The following PCDHGA6 variants were observed in gnomAD, a reference collection of about 807,000 sequenced individuals.
PCDHGA6 encodes the protein protocadherin gamma subfamily A, 6, also known as protocadherin gamma-A6.
A neutral mutation model predicts 60.6 loss-of-function variants in PCDHGA6; 41 were observed. The ratio of observed to expected loss-of-function variants is 0.68; its 90% confidence interval spans 0.53 to 0.88. The LOEUF (loss-of-function observed/expected upper bound fraction) is 0.88, where lower values mean the gene tolerates loss of function less well. Ranked by LOEUF, PCDHGA6 falls within the 40% of genes least tolerant of loss-of-function variation. PCDHGA6 has a pLI of 0.00. For synonymous variants in PCDHGA6, 594 were observed against 524.4 expected, an observed-to-expected ratio of 1.13 and a Z score of -1.81; for missense variants, 1,312 against 1,203.0, an observed-to-expected ratio of 1.09 and a Z score of -1.34.
chr5:141,428,367 G>C, intron 1 of PCDHGA6: 1 of 546,792 alleles, frequency 1.8e-6, no homozygotes, highest in South Asian at 1.9e-5. Context: ...CGGTCGCCTT[G>C]CACCTGCGAT....
intron 1 of PCDHGA6, chr5:141,420,334 T>C: frequency 7.1e-7 from 1 of 1,402,910 alleles, no homozygotes; most frequent in Non-Finnish European, 9.5e-7. Flanking sequence ...TATATTCCAA[T>C]ATAGTGGTAT....
chr5:141,456,312 GCTC>G (rs2098849548), intron 1 of PCDHGA6, among the ~76,000 whole-genome samples: 1 of 152,126 alleles, frequency 6.6e-6, no homozygotes, highest in Admixed American at 6.6e-5. Context: ...AGCAGCTAGG[GCTC>G]CTCCTGGGGT....
At chr5:141,470,428 T>A (rs974038419) in intron 1 of PCDHGA6, among the ~76,000 whole-genome samples, 1 of 152,254 alleles carries the variant, frequency 6.6e-6, no homozygotes, top group Non-Finnish European at 1.5e-5. Flanking sequence ...TTTTTCCTTG[T>A]GTGCAATAAT....
At position 141,431,542 on chromosome 5, in the gene PCDHGA6, G is replaced by C; in HGVS notation, c.2424+55035G>C. On this transcript the variant is annotated intron_variant, in intron 1 of 3. Coordinates refer to ENST00000517434, the MANE Select transcript of PCDHGA6 (RefSeq NM_018919.3). The surrounding 1 kb of genome is among the most constrained non-coding windows in gnomAD (Gnocchi z 4.8). ...AGAATCTGGCCTTGGGCACGCAGCT[G>C]CTTGTAGTCAACGCTACCGACCCTG... The C allele has an allele frequency of 1.9e-6, 3 of 1,614,124 alleles. No homozygotes were observed. The highest frequency in any genetic ancestry group is 1.1e-5 in the South Asian group (1 of 91,086).
At chr5:141,478,545 A>C in intron 1 of PCDHGA6, 1 of 1,605,606 alleles carries the variant, frequency 6.2e-7, no homozygotes, top group Non-Finnish European at 8.5e-7. Flanking sequence ...CCTCCCGGAC[A>C]GGTAAGGTTT....
At position 141,408,540 on chromosome 5, in the gene PCDHGA6, C is replaced by T. The variant is rs201370009; in HGVS notation, c.2424+32033C>T. On this transcript the variant is annotated intron_variant, in intron 1 of 3. Transcript: ENST00000517434. ...CAATTGGAAGCTGTGGTGGAAAATCCTTTAAATATTTTTCATGTCATTGTG... is the reference window on the plus strand; with the variant it reads ...CAATTGGAAGCTGTGGTGGAAAATCTTTTAAATATTTTTCATGTCATTGTG... The T allele has an allele frequency of 1.6e-3, 2,593 of 1,614,046 alleles. 3 individuals are homozygous for T. Among genetic ancestry groups the T allele is most frequent in the Middle Eastern group, 4.5e-3 (27 of 6,062 alleles).
At chr5:141,505,604 G>T (rs772730114) in intron 3 of PCDHGA6, 123 bp downstream of exon 3, 1 of 1,535,418 alleles carries the variant, frequency 6.5e-7, no homozygotes, top group Non-Finnish European at 8.8e-7. Flanking sequence ...CTTTCGGCAG[G>T]TCTGAAAGGA....
rs756252337 is a variant in PCDHGA6, at chr5:141,413,183, C to T, written c.2424+36676C>T. The T allele has an allele frequency of 3.7e-6, 6 of 1,605,222 alleles. No individual in the cohort carries two copies. The Admixed American group carries it at 1.0e-4, about 27-fold the overall frequency. Reference sequence around the variant, plus strand: ...TTCTGTAACCAGACTACAATGGCCGCTCAAAGGAATCGCTCAAAGGAATCA... The same window carrying T: ...TTCTGTAACCAGACTACAATGGCCGTTCAAAGGAATCGCTCAAAGGAATCA... On this transcript the variant is annotated intron_variant, in intron 1 of 3. Transcript: ENST00000517434.
intron 1 of PCDHGA6, chr5:141,420,319 G>T (rs1393746531): frequency 7.0e-7 from 1 of 1,437,422 alleles, no homozygotes; most frequent in African/African-American, 1.4e-5. Context: ...ATTACAATAT[G>T]CCAATATATT....
At chr5:141,484,501 A>G (rs1185523120) in intron 1 of PCDHGA6, among the ~76,000 whole-genome samples, 2 of 152,232 alleles carry the variant, frequency 1.3e-5, no homozygotes, top group African/African-American at 4.8e-5. Flanking sequence ...GTTTCTGAAT[A>G]TTCTGCAGAA....
rs530963064 is a variant in PCDHGA6, at chr5:141,404,506, C to G, written c.2424+27999C>G. ...ACACTGGTGTGCTGTATGCTCTGTG[C>G]TCCTTTGACTATGAGCAGTTTAGAG... is the stretch of plus-strand genomic sequence containing the variant. On this transcript the variant is annotated intron_variant, in intron 1 of 3. Coordinates refer to ENST00000517434, the MANE Select transcript of PCDHGA6 (RefSeq NM_018919.3). The G allele has an allele frequency of 3.2e-5, 52 of 1,613,814 alleles. No individual in the cohort carries two copies. Among genetic ancestry groups the G allele is most frequent in the Non-Finnish European group, 4.3e-5 (51 of 1,179,838 alleles).
chr5:141,447,742 T>G (rs1440015460), intron 1 of PCDHGA6, among the ~76,000 whole-genome samples: 3 of 152,056 alleles, frequency 2.0e-5, no homozygotes, highest in Non-Finnish European at 4.4e-5. Flanking sequence ...AACTTAAGAG[T>G]CTTGCATGTG....
At chr5:141,403,179 C>T (rs1341077920) in intron 1 of PCDHGA6, 1 of 1,614,000 alleles carries the variant, frequency 6.2e-7, no homozygotes, top group Admixed American at 1.7e-5. Flanking sequence ...CAGCTTTTCT[C>T]TCTGAACCCG....
At position 141,389,178 on chromosome 5, in the gene PCDHGA6, T is replaced by G. The variant is rs1280956707; in HGVS notation, c.2424+12671T>G. 2 of 1,613,974 alleles carry G rather than the reference T, an allele frequency of 1.2e-6. No individual in the cohort carries two copies. The highest frequency in any genetic ancestry group is 1.7e-6 in the Non-Finnish European group (2 of 1,179,890). ...AGATCGGGGCAAGCCTCCCCTCTCC[T>G]CCAGTTCCAGCATCACCCTGCACAT... On this transcript the variant is annotated intron_variant, in intron 1 of 3. Coordinates refer to ENST00000517434, the MANE Select transcript of PCDHGA6 (RefSeq NM_018919.3).
intron 1 of PCDHGA6, chr5:141,419,071 A>G: frequency 6.2e-7 from 1 of 1,614,006 alleles, no homozygotes; most frequent in South Asian, 1.1e-5. Flanking sequence ...ACTACAAGCT[A>G]GTAACAGATG....
At chr5:141,403,860 C>A (rs201458472) in intron 1 of PCDHGA6, 1 of 1,613,382 alleles carries the variant, frequency 6.2e-7, no homozygotes, top group Non-Finnish European at 8.5e-7. Flanking sequence ...GAAATATCAA[C>A]AGCAAAAAGT....
chr5:141,415,197 A>G, intron 1 of PCDHGA6: 1 of 1,614,016 alleles, frequency 6.2e-7, no homozygotes, highest in African/African-American at 1.3e-5. Context: ...GCATCCCCCA[A>G]GTCCTGGCGG....
At chr5:141,481,943 G>C (rs1454871018) in intron 1 of PCDHGA6, among the ~76,000 whole-genome samples, 1 of 148,544 alleles carries the variant, frequency 6.7e-6, no homozygotes, top group South Asian at 2.1e-4. Context: ...AAATCAGCCA[G>C]ATGTGGTGGC....
At chr5:141,463,650 A>C (rs1206605758) in intron 1 of PCDHGA6, among the ~76,000 whole-genome samples, 1 of 151,746 alleles carries the variant, frequency 6.6e-6, no homozygotes, top group Non-Finnish European at 1.5e-5. Flanking sequence ...ACGGGGTTTC[A>C]CCGTGTTAGC....
Sources: gnomAD v4.1 joint callset for allele counts (sites outside exome capture counted in the v4.1 genomes callset) on GRCh38, gnomAD v4.1.1 for gene constraint, Gnocchi (gnomAD v3.1) non-coding constraint, MANE v1.5 for transcripts, NCBI Gene and HGNC (gene_info 2026-07-23, HGNC 2026-07-21) for gene names.